The following TAFA1 variants were observed in gnomAD, a reference collection of about 807,000 sequenced individuals.
The protein encoded by TAFA1 is chemokine-like protein TAFA-1.
In TAFA1, 4 loss-of-function variants were observed where a neutral mutation model predicts 18.5. The observed-to-expected ratio is 0.22, with a 90% CI of 0.11 to 0.49. The LOEUF is 0.49. Ranked by LOEUF, TAFA1 falls within the 20% of genes least tolerant of loss-of-function variation. The pLI is 0.98. For synonymous variants in TAFA1, 56 were observed against 55.2 expected (o/e 1.01, Z -0.06); for missense variants, 147 against 169.0 (o/e 0.87, Z 0.72).
intron 2 of TAFA1, among the ~76,000 whole-genome samples, chr3:68,200,609 G>A (rs2107037849): frequency 6.6e-6 from 1 of 151,668 alleles, no homozygotes; most frequent in African/African-American, 2.4e-5. Flanking sequence ...TATTAAATTT[G>A]TGAGCATTGA....
intron 2 of TAFA1, among the ~76,000 whole-genome samples, chr3:68,186,615 C>T (rs771492000): frequency 7.9e-5 from 12 of 152,200 alleles, no homozygotes; most frequent in Non-Finnish European, 1.6e-4. Flanking sequence ...ATCCCATCCC[C>T]ACCTGGAGAT....
At chr3:68,344,960 A>G (rs1053357128) in intron 2 of TAFA1, among the ~76,000 whole-genome samples, 2 of 152,146 alleles carry the variant, frequency 1.3e-5, no homozygotes, top group Admixed American at 6.6e-5. Context: ...CAAAAGTTAT[A>G]AATAAGTTTA....
At chr3:68,294,142 CAAT>C (rs1190206335) in intron 2 of TAFA1, among the ~76,000 whole-genome samples, 37 of 152,176 alleles carry the variant, frequency 2.4e-4, no homozygotes, top group Middle Eastern at 3.4e-3. Flanking sequence ...TAAACAACAA[CAAT>C]AATTCAAAAT....
intron 2 of TAFA1, among the ~76,000 whole-genome samples, chr3:68,389,737 C>T (rs7647485): frequency 0.45 from 68,720 of 151,626 alleles, 16,129 homozygotes; most frequent in African/African-American, 0.51. Context: ...TGGGGTGTTA[C>T]CCCACCCAGG....
chr3:68,258,626 C>A (rs1194823163), intron 2 of TAFA1, among the ~76,000 whole-genome samples: 2 of 152,124 alleles, frequency 1.3e-5, no homozygotes, highest in African/African-American at 4.8e-5. Flanking sequence ...AATGCTTATG[C>A]CACAGCAAAA....
intron 2 of TAFA1, among the ~76,000 whole-genome samples, chr3:68,055,138 A>G (rs1266058131): frequency 6.6e-6 from 1 of 152,104 alleles, no homozygotes; most frequent in Non-Finnish European, 1.5e-5. Context: ...GTTAATTACC[A>G]AGCCACCTGC....
At chr3:68,211,953 T>G (rs1255412463) in intron 2 of TAFA1, among the ~76,000 whole-genome samples, 1 of 152,018 alleles carries the variant, frequency 6.6e-6, no homozygotes, top group Non-Finnish European at 1.5e-5. Flanking sequence ...CATTTTAACA[T>G]TAGGCTTGGA....
intron 2 of TAFA1, among the ~76,000 whole-genome samples, chr3:68,061,028 C>T (rs1046061954): frequency 9.9e-5 from 15 of 152,276 alleles, no homozygotes; most frequent in African/African-American, 2.9e-4. Flanking sequence ...CTTGCTGGCT[C>T]TCTCTGGATC....
rs1012954018 is a variant in TAFA1 at position 68,276,193 on chromosome 3, A to G, written c.119-141087A>G. Among the ~76,000 whole-genome samples the G allele has an allele frequency of 9.2e-5, 14 of 152,218 alleles. No individual in the cohort carries two copies. In the East Asian group the frequency reaches 2.1e-3, roughly 23 times the overall value. On this transcript the variant is annotated intron_variant, in intron 2 of 4. Coordinates refer to ENST00000478136, the MANE Select transcript of TAFA1 (RefSeq NM_213609.4). ...ACCCAGAAGACAAAATAGTCAAACC[A>G]TTTCTAAGAGTAGCTGCAGACTAAA... is the stretch of plus-strand genomic sequence containing the variant.
At chr3:68,198,103 A>G (rs993704592) in intron 2 of TAFA1, among the ~76,000 whole-genome samples, 6 of 151,716 alleles carry the variant, frequency 4.0e-5, no homozygotes, top group Non-Finnish European at 8.9e-5. Context: ...TTTTCCAGAA[A>G]GTATTATAAT....
chr3:68,530,653 C>T lies in TAFA1; in HGVS notation c.260-8103C>T, dbSNP rs559142466. Among the ~76,000 whole-genome samples, 6 of 152,102 alleles carry T rather than the reference C, an allele frequency of 3.9e-5. No individual in the cohort carries two copies. In the East Asian group the frequency reaches 5.8e-4, roughly 15 times the overall value. ...TCAGTTCTAGGGGATAAAAAGTCCTCGGAGCAGTTATGCATCTACCTCACA... is the reference window on the plus strand; with the variant it reads ...TCAGTTCTAGGGGATAAAAAGTCCTTGGAGCAGTTATGCATCTACCTCACA... On this transcript the variant is annotated intron_variant, in intron 3 of 4. Transcript: ENST00000478136.
intron 2 of TAFA1, among the ~76,000 whole-genome samples, chr3:68,058,721 C>G (rs907674305): frequency 9.9e-5 from 15 of 152,188 alleles, no homozygotes; most frequent in Admixed American, 7.2e-4. Context: ...CTGGCTGCTG[C>G]TTGTTGAACA....
chr3:68,299,723 G>A (rs1384778638), intron 2 of TAFA1, among the ~76,000 whole-genome samples: 1 of 152,216 alleles, frequency 6.6e-6, no homozygotes, highest in Non-Finnish European at 1.5e-5. Flanking sequence ...ACCAAGTCTA[G>A]GGCTTTGCTG....
chr3:67,994,490 G>T, the TAFA1 span, among the ~76,000 whole-genome samples: 1 of 152,304 alleles, frequency 6.6e-6, no homozygotes, highest in African/African-American at 2.4e-5. Context: ...TAGTTAGAAT[G>T]CTTTTGATTC....
intron 4 of TAFA1, 56 bp from the exon 5 acceptor site, chr3:68,544,430 T>C: frequency 1.3e-6 from 2 of 1,573,090 alleles, no homozygotes; most frequent in Non-Finnish European, 1.7e-6. Context: ...TCACATTTCT[T>C]TGTGCCTTCA....
chr3:68,396,756 A>G lies in TAFA1; in HGVS notation c.119-20524A>G, dbSNP rs148572079. Among the ~76,000 whole-genome samples the G allele has an allele frequency of 2.2e-4, 33 of 152,358 alleles. No individual in the cohort carries two copies. In the East Asian group the frequency reaches 5.4e-3, roughly 25 times the overall value. Reference sequence around the variant, plus strand: ...GATAATGTAAAATTTATCCATACATAAAGTTATCCAAACCTTCCATAAAAG... The same window carrying G: ...GATAATGTAAAATTTATCCATACATGAAGTTATCCAAACCTTCCATAAAAG... On this transcript the variant is annotated intron_variant, in intron 2 of 4. Coordinates refer to ENST00000478136, the MANE Select transcript of TAFA1 (RefSeq NM_213609.4).
chr3:68,077,629 C>T (rs1338565753), intron 2 of TAFA1, among the ~76,000 whole-genome samples: 16 of 152,010 alleles, frequency 1.1e-4, no homozygotes, highest in African/African-American at 2.4e-4. Context: ...AGATATGTGG[C>T]GTTATTTCTG....
intron 2 of TAFA1, among the ~76,000 whole-genome samples, chr3:68,231,388 C>T (rs1434827142): frequency 8.6e-6 from 1 of 115,718 alleles, no homozygotes; most frequent in South Asian, 3.0e-4. Flanking sequence ...GAGTCTCGCT[C>T]TGTCGCCCAG....
At chr3:68,373,157 G>A (rs2069745308) in intron 2 of TAFA1, among the ~76,000 whole-genome samples, 1 of 152,126 alleles carries the variant, frequency 6.6e-6, no homozygotes, top group Admixed American at 6.5e-5. Flanking sequence ...ATTTGTGGGA[G>A]GAATGAATAC....
Sources: gnomAD v4.1 joint callset for allele counts (sites outside exome capture counted in the v4.1 genomes callset) on GRCh38, gnomAD v4.1.1 for gene constraint, MANE v1.5 for transcripts, NCBI Gene and HGNC (gene_info 2026-07-23, HGNC 2026-07-21) for gene names.